MIS18A: variants seen among roughly 807,000 people sequenced by gnomAD.
MIS18A encodes the protein MIS18 kinetochore protein A, also known as protein Mis18-alpha.
A neutral mutation model predicts 25.0 loss-of-function variants in MIS18A; 14 were observed. That is an observed-to-expected ratio of 0.56 (90% CI 0.37 to 0.88). The LOEUF (loss-of-function observed/expected upper bound fraction) is 0.88, where lower values mean the gene tolerates loss of function less well. MIS18A is among the 40% of genes least tolerant of loss of function. MIS18A has a pLI of 0.00. For missense variants in MIS18A, 292 were observed against 290.8 expected, an observed-to-expected ratio of 1.00 and a Z score of -0.03; for synonymous variants, 134 against 118.6, an observed-to-expected ratio of 1.13 and a Z score of -0.84.
the MIS18A span, among the ~76,000 whole-genome samples, chr21:32,235,188 G>A: frequency 6.6e-6 from 1 of 152,150 alleles, no homozygotes; most frequent in African/African-American, 2.4e-5. Flanking sequence ...GCCAATACTG[G>A]ATACTCACAG....
At chr21:32,230,250 T>A in the MIS18A span, among the ~76,000 whole-genome samples, 1 of 152,328 alleles carries the variant, frequency 6.6e-6, no homozygotes, top group Admixed American at 6.5e-5. Context: ...TTTTCAAGTA[T>A]ATCAAAATAT....
the MIS18A span, among the ~76,000 whole-genome samples, chr21:32,222,983 C>T: frequency 1.3e-5 from 2 of 150,642 alleles, no homozygotes; most frequent in African/African-American, 2.4e-5. Context: ...CACTCAAAAC[C>T]TCACAACTAC....
chr21:32,208,441 C>T, the MIS18A span, among the ~76,000 whole-genome samples: 1 of 152,196 alleles, frequency 6.6e-6, no homozygotes, highest in East Asian at 1.9e-4. Context: ...TCTGCTTTGG[C>T]CATATGAGGT....
chr21:32,218,639 C>T, the MIS18A span, among the ~76,000 whole-genome samples: 1 of 151,150 alleles, frequency 6.6e-6, no homozygotes, highest in Admixed American at 6.6e-5. Context: ...CCTAGGGCAA[C>T]AAATACGAAA....
the MIS18A span, among the ~76,000 whole-genome samples, chr21:32,170,874 G>A: frequency 6.6e-6 from 1 of 151,948 alleles, no homozygotes; most frequent in Non-Finnish European, 1.5e-5. Flanking sequence ...GAATAAAGCT[G>A]AGGGGGGAAA....
chr21:32,184,861 G>A, the MIS18A span, among the ~76,000 whole-genome samples: 1 of 152,068 alleles, frequency 6.6e-6, no homozygotes, highest in Non-Finnish European at 1.5e-5. Context: ...ACAGGGTCCT[G>A]GTGATTCTGC....
the MIS18A span, among the ~76,000 whole-genome samples, chr21:32,257,555 C>T: frequency 6.6e-6 from 1 of 152,198 alleles, no homozygotes; most frequent in Non-Finnish European, 1.5e-5. Context: ...GAGCCTCTAT[C>T]AGCTATCAAT....
chr21:32,216,839 C>T, the MIS18A span, among the ~76,000 whole-genome samples: 6 of 152,270 alleles, frequency 3.9e-5, no homozygotes, highest in South Asian at 4.1e-4. Flanking sequence ...ATTGGTTCCA[C>T]GTACTTAAGA....
In MIS18A at chr21:32,278,753, A is replaced by G; in HGVS notation, c.262T>C (p.Cys88Arg). Residue 88 changes from cysteine to arginine, a missense_variant, in exon 1 of 5, where the codon TGC becomes CGC. Cys to Arg is a radical substitution (Grantham distance 180). Coordinates refer to ENST00000290130, the MANE Select transcript of MIS18A (RefSeq NM_018944.3). ...AGCGAGTCGCCCAGCGGCCGCCGGC[A>G]GCCGGAGCACAGGAACACCAGCGGC... is the stretch of plus-strand genomic sequence containing the variant. ...ERPLVFLCSG[C>R]RRPLGDSLSW... 1 of 1,577,796 alleles carries G rather than the reference A, an allele frequency of 6.3e-7. No homozygotes were observed. Among genetic ancestry groups the G allele is most frequent in the Non-Finnish European group, 8.6e-7 (1 of 1,167,826 alleles).
At chr21:32,192,677 G>A in the MIS18A span, among the ~76,000 whole-genome samples, 1 of 152,214 alleles carries the variant, frequency 6.6e-6, no homozygotes, top group African/African-American at 2.4e-5. Context: ...AATCATGGCA[G>A]GAATATCAAC....
At chr21:32,221,106 A>G in the MIS18A span, among the ~76,000 whole-genome samples, 1 of 152,204 alleles carries the variant, frequency 6.6e-6, no homozygotes, top group Admixed American at 6.5e-5. Flanking sequence ...ATAGGCCAAC[A>G]TTCAAATTCA....
the MIS18A span, among the ~76,000 whole-genome samples, chr21:32,230,543 G>T: frequency 2.6e-5 from 4 of 152,220 alleles, no homozygotes; most frequent in African/African-American, 9.6e-5. Flanking sequence ...GAACGGAAGG[G>T]AGTCATCTGA....
intron 1 of MIS18A, among the ~76,000 whole-genome samples, chr21:32,276,227 G>T (rs191268651): frequency 6.6e-6 from 1 of 152,002 alleles, no homozygotes; most frequent in African/African-American, 2.4e-5. Flanking sequence ...TTGGGAGGCC[G>T]AGGCAGGCGG....
At chr21:32,183,671 AGCT>A in the MIS18A span, among the ~76,000 whole-genome samples, 2 of 152,210 alleles carry the variant, frequency 1.3e-5, no homozygotes, top group Admixed American at 1.3e-4. Context: ...ACTGTATCCC[AGCT>A]GCTGACACAC....
chr21:32,210,703 T>C, the MIS18A span, among the ~76,000 whole-genome samples: 1 of 152,224 alleles, frequency 6.6e-6, no homozygotes, highest in African/African-American at 2.4e-5. Context: ...AACAGTTTCA[T>C]AACTGTAAGG....
chr21:32,174,774 GTGTA>G, the MIS18A span, among the ~76,000 whole-genome samples: 89,365 of 151,398 alleles, frequency 0.59, 27,116 homozygotes, highest in African/African-American at 0.74. Flanking sequence ...AACTTCACAA[GTGTA>G]TGACATACTG....
In MIS18A at chr21:32,274,895, A is replaced by G. The variant is rs2031781951; in HGVS notation, c.336T>C (p.Cys112=). 6.2e-7 allele frequency: 1 copy of G among 1,609,050 alleles called. No individual in the cohort carries two copies. The highest frequency in any genetic ancestry group is 8.5e-7 in the Non-Finnish European group (1 of 1,176,414). Reference sequence around the variant, plus strand: ...TATCCACAGAAACATTACAGGAAACACCTAGAAACAGAGAAAGTAACAATA... The same window carrying G: ...TATCCACAGAAACATTACAGGAAACGCCTAGAAACAGAGAAAGTAACAATA... The part of the protein sequence containing the change: ...QEDTNCILLR[C]VSCNVSVDKE... The change falls in exon 2 of 5, where the codon TGT becomes TGC. Residue 112 remains cysteine (C), a splice_region_variant and synonymous_variant. Coordinates refer to ENST00000290130, the MANE Select transcript of MIS18A (RefSeq NM_018944.3).
At chr21:32,180,651 A>G in the MIS18A span, among the ~76,000 whole-genome samples, 1 of 152,212 alleles carries the variant, frequency 6.6e-6, no homozygotes, top group African/African-American at 2.4e-5. Context: ...CAAAGACCTC[A>G]CCATAGTGGT....
rs1208907794 is a variant in MIS18A, at chr21:32,268,483, C to T, written c.*554G>A. Reference sequence around the variant, plus strand: ...TCTGACAGATCATTCTGACCAATTTCTCCAGGGAACTTTATGGATTAGTTT... The same window carrying T: ...TCTGACAGATCATTCTGACCAATTTTTCCAGGGAACTTTATGGATTAGTTT... On this transcript the variant is annotated 3_prime_UTR_variant, in exon 5 of 5. Coordinates refer to ENST00000290130, the MANE Select transcript of MIS18A (RefSeq NM_018944.3). The T allele has an allele frequency of 6.6e-6, 1 of 152,194 alleles. No individual in the cohort carries two copies. The highest frequency in any genetic ancestry group is 2.4e-5 in the African/African-American group (1 of 41,444). 9.4% of individuals were successfully genotyped at this position (152,194 alleles called of 1,614,324 possible).
Sources: allele counts gnomAD v4.1 joint callset (sites outside exome capture counted in the v4.1 genomes callset), GRCh38; gene constraint gnomAD v4.1.1; transcripts MANE v1.5; gene names NCBI Gene and HGNC (gene_info 2026-07-23, HGNC 2026-07-21).